NAPB: variants seen among roughly 807,000 people sequenced by gnomAD.
The protein encoded by NAPB is NSF attachment protein beta.
In NAPB, 26 loss-of-function variants were observed where a neutral mutation model predicts 44.7. That is an observed-to-expected ratio of 0.58 (90% CI 0.43 to 0.81). The LOEUF (loss-of-function observed/expected upper bound fraction) is 0.81, where lower values mean the gene tolerates loss of function less well. Among genes scored for constraint, NAPB ranks in the 30% least tolerant of loss-of-function variants. The pLI, the probability that NAPB is intolerant of heterozygous loss-of-function variation, is 0.00. For missense variants in NAPB, 315 were observed against 356.4 expected (o/e 0.88, Z 0.94); for synonymous variants, 120 against 116.8 (o/e 1.03, Z -0.18).
At chr20:23,399,417 A>G (rs544248137) in intron 2 of NAPB, among the ~76,000 whole-genome samples, 24 of 152,344 alleles carry the variant, frequency 1.6e-4, no homozygotes, top group African/African-American at 5.8e-4. Context: ...GGACATAGCA[A>G]GAAGGCGCCA....
intron 8 of NAPB, 112 bp from the exon 9 acceptor site, chr20:23,380,047 T>A (rs923263575): frequency 4.8e-5 from 35 of 725,834 alleles, no homozygotes; most frequent in Non-Finnish European, 7.4e-5. Flanking sequence ...GTTGAAAAAG[T>A]ATGTAGTTAA....
chr20:23,416,328 T>C (rs1279345821), intron 1 of NAPB, among the ~76,000 whole-genome samples: 1 of 152,250 alleles, frequency 6.6e-6, no homozygotes, highest in Non-Finnish European at 1.5e-5. Context: ...TATCATTTGA[T>C]ACCAAGCTGT....
intron 1 of NAPB, among the ~76,000 whole-genome samples, chr20:23,411,448 G>A (rs999291790): frequency 6.6e-6 from 1 of 152,134 alleles, no homozygotes; most frequent in Non-Finnish European, 1.5e-5. Flanking sequence ...TATACAACCA[G>A]GCCATCCAGC....
At chr20:23,395,383 T>C (rs1231964909) in intron 3 of NAPB, among the ~76,000 whole-genome samples, 198 bp from the exon 4 acceptor site, 1 of 152,146 alleles carries the variant, frequency 6.6e-6, no homozygotes, top group Non-Finnish European at 1.5e-5. Context: ...CCAGCAGCTA[T>C]AGTATAATTT....
At chr20:23,420,424 G>T (rs1345381278) in intron 1 of NAPB, among the ~76,000 whole-genome samples, 1 of 152,096 alleles carries the variant, frequency 6.6e-6, no homozygotes, top group Admixed American at 6.5e-5. Flanking sequence ...TGTACTCGGC[G>T]CAAGGCCCCT....
intron 2 of NAPB, among the ~76,000 whole-genome samples, chr20:23,397,792 C>A (rs1193728455): frequency 6.6e-6 from 1 of 152,156 alleles, no homozygotes; most frequent in Non-Finnish European, 1.5e-5. Flanking sequence ...TATTTTACCC[C>A]ATTTAGTGTG....
chr20:23,388,250 TAC>T (rs1983677138), intron 7 of NAPB, among the ~76,000 whole-genome samples: 2 of 151,696 alleles, frequency 1.3e-5, no homozygotes, highest in Non-Finnish European at 2.9e-5. Flanking sequence ...TAAACACACA[TAC>T]ACACTCACAC....
At chr20:23,421,276 C>T (rs768759573) in intron 1 of NAPB, 29 bp downstream of exon 1, 3 of 1,452,944 alleles carry the variant, frequency 2.1e-6, no homozygotes, top group African/African-American at 2.9e-5. Flanking sequence ...GACCCCCCCC[C>T]CCCAGGGCAC....
At chr20:23,380,934 T>C in intron 8 of NAPB, 1 of 298,278 alleles carries the variant, frequency 3.4e-6, no homozygotes, top group East Asian at 7.7e-5. Flanking sequence ...GTGCCCCCCA[T>C]TCAAGTACCA....
chr20:23,395,474 T>C lies in NAPB; in HGVS notation c.296-289A>G, dbSNP rs570590455. On this transcript the variant is annotated intron_variant, in intron 3 of 10. Transcript: ENST00000377026. ...ACTCCATCCAGGCAAAAGACTGTAT[T>C]ATAAAGAAAATAAAACCATAGAGGT... 1.8e-4 allele frequency among the ~76,000 whole-genome samples: 28 copies of C among 152,326 alleles called. 1 individual carries two copies. In the South Asian group the frequency reaches 5.6e-3, roughly 30 times the overall value.
chr20:23,395,104 C>T lies in NAPB; in HGVS notation c.342+35G>A, dbSNP rs1203490721. 3 of 1,613,938 alleles carry T rather than the reference C, an allele frequency of 1.9e-6. No individual in the cohort carries two copies. The East Asian group carries it at 6.7e-5, about 36-fold the overall frequency. ...AGAACTCTAAGCCATCTCAAGACTC[C>T]ACCCCACAGCCACTCAAGCAATGCA... On this transcript the variant is annotated intron_variant, in intron 4 of 10. Transcript: ENST00000377026.
intron 7 of NAPB, among the ~76,000 whole-genome samples, chr20:23,382,521 C>T (rs1431471702): frequency 1.3e-5 from 2 of 151,472 alleles, no homozygotes; most frequent in African/African-American, 4.9e-5. Flanking sequence ...TTAAAGAAGC[C>T]CTCATAAAAA....
rs1986438677 is a variant in NAPB, at chr20:23,421,476, CGGCCGCAG to C, written c.-82_-75del. 7.3e-7 allele frequency: 1 copy of C among 1,366,550 alleles called. No individual in the cohort carries two copies. Among genetic ancestry groups the C allele is most frequent in the African/African-American group, 1.5e-5 (1 of 65,676 alleles). 84.7% of individuals were successfully genotyped at this position (1,366,550 alleles called of 1,614,324 possible). A position where few individuals can be genotyped will look rare whatever the true frequency, so the allele number is the denominator to read the frequency against. On this transcript the variant is annotated 5_prime_UTR_variant, in exon 1 of 11. Transcript: ENST00000377026. ...CCAGGCGCCTTAACCCTCCCTCTGGCGGCCGCAGGGACGCAGGCGCAGGCGCGACGCGC... is the reference window on the plus strand; with the variant it reads ...CCAGGCGCCTTAACCCTCCCTCTGGCGGACGCAGGCGCAGGCGCGACGCGC...
rs370441419 is a variant in NAPB, at chr20:23,401,303, T to C, written c.178+1690A>G. Among the ~76,000 whole-genome samples the C allele has an allele frequency of 3.9e-5, 6 of 152,192 alleles. 1 individual carries two copies. The highest frequency in any genetic ancestry group is 3.3e-4 in the Admixed American group (5 of 15,286). On this transcript the variant is annotated intron_variant, in intron 2 of 10. Transcript: ENST00000377026. ...ACATTTATGCCTAGTGTTCCTTCAC[T>C]GGAACGCTAGGCACGTGGGAGTTAT...
intron 1 of NAPB, among the ~76,000 whole-genome samples, chr20:23,414,007 C>A (rs1374529748): frequency 6.6e-6 from 1 of 151,964 alleles, no homozygotes; most frequent in Non-Finnish European, 1.5e-5. Flanking sequence ...GTAGATAAAA[C>A]AATCCTAAAT....
chr20:23,393,828 T>C (rs1203375189), intron 5 of NAPB, among the ~76,000 whole-genome samples: 3 of 152,156 alleles, frequency 2.0e-5, no homozygotes. Flanking sequence ...AAGTTAGCCA[T>C]GTGGACTTGA....
chr20:23,406,974 G>A (rs1985297114), intron 1 of NAPB, among the ~76,000 whole-genome samples: 1 of 152,148 alleles, frequency 6.6e-6, no homozygotes, highest in South Asian at 2.1e-4. Flanking sequence ...AACCATGAAA[G>A]ACACTATCTC....
At chr20:23,398,777 G>A (rs1445887381) in intron 2 of NAPB, among the ~76,000 whole-genome samples, 1 of 151,292 alleles carries the variant, frequency 6.6e-6, no homozygotes, top group Non-Finnish European at 1.5e-5. Context: ...CCGGGAGGCG[G>A]AGGTTGCAGT....
intron 5 of NAPB, among the ~76,000 whole-genome samples, chr20:23,392,846 G>A (rs1984073614): frequency 6.6e-6 from 1 of 151,672 alleles, no homozygotes; most frequent in Non-Finnish European, 1.5e-5. Context: ...GAGAAAAAAA[G>A]AGTATGTCAC....
Sources: allele counts gnomAD v4.1 joint callset (sites outside exome capture counted in the v4.1 genomes callset), GRCh38; gene constraint gnomAD v4.1.1; transcripts MANE v1.5; gene names NCBI Gene and HGNC (gene_info 2026-07-23, HGNC 2026-07-21).